The following TTN variants were observed in gnomAD, a reference collection of about 807,000 sequenced individuals.
The protein encoded by TTN is titin.
Under a neutral mutation model 3,223.0 loss-of-function variants are expected in TTN, and 1,525 were observed. The ratio of observed to expected loss-of-function variants is 0.47; its 90% CI spans 0.45 to 0.49. The LOEUF is 0.49. Ranked by LOEUF, TTN falls within the 20% of genes least tolerant of loss-of-function variation. The probability of loss-of-function intolerance (pLI) is 0.00; values close to 1 mark genes in which losing one functional copy is unlikely to be tolerated. For missense variants in TTN, 40,786 were observed against 43,424.0 expected (o/e 0.94, Z 5.40); for synonymous variants, 14,094 against 15,161.0 (o/e 0.93, Z 5.17).
intron 240 of TTN, among the ~76,000 whole-genome samples, chr2:178,626,725 TG>T (rs1443529366): frequency 6.6e-6 from 1 of 151,888 alleles, no homozygotes; most frequent in Non-Finnish European, 1.5e-5. Flanking sequence ...TCCGAGGGCA[TG>T]GTGCTGAAAT....
intron 288 of TTN, chr2:178,600,621 G>A (rs999209515): frequency 7.4e-6 from 4 of 537,242 alleles, no homozygotes; most frequent in Admixed American, 3.1e-5. Flanking sequence ...AAATTACAGC[G>A]AGGAAATTAC....
chr2:178,612,434 G>A lies in TTN; in HGVS notation c.50091C>T (p.Gly16697=). The change falls in exon 266 of 363, where the codon GGC becomes GGT. Residue 16697 remains glycine, a synonymous_variant. Coordinates refer to ENST00000589042, the MANE Select transcript of TTN (RefSeq NM_001267550.2). ...IVEKRDVRRK[G]WQTVDTTVKD... is the part of the protein sequence containing the mutation. ...TGACAGTGGTATCCACTGTTTGCCA[G>A]CCTTTTCGCCTGACGTCTCTCTTTT... 1 of 1,612,528 alleles carries A rather than the reference G, an allele frequency of 6.2e-7. No homozygotes were observed. The highest frequency in any genetic ancestry group is 8.5e-7 in the Non-Finnish European group (1 of 1,179,212).
intron 122 of TTN, 90 bp downstream of exon 122, chr2:178,689,723 A>T (rs945370756): frequency 8.3e-6 from 12 of 1,448,850 alleles, no homozygotes; most frequent in Non-Finnish European, 1.1e-5. Flanking sequence ...ATTCATTTAG[A>T]ATTAAACTAA....
At position 178,773,100 on chromosome 2, in the gene TTN, T is replaced by C; in HGVS notation, c.7855+9A>G. 1.2e-6 allele frequency: 2 copies of C among 1,613,870 alleles called. No individual in the cohort carries two copies. On this transcript the variant is annotated intron_variant, in intron 33 of 362. Transcript: ENST00000589042. The stretch of plus-strand genomic sequence containing the variant: ...CCTCGTAAGAATTTAGGTTAATAAA[T>C]ATACCAACCTGCCACAGTAAGTTTT...
At position 178,563,843 on chromosome 2, in the gene TTN, T is replaced by C; in HGVS notation, c.82289A>G (p.Lys27430Arg). The change falls in exon 326 of 363, where the codon AAA becomes AGA. Residue 27430 changes from lysine to arginine, a missense_variant. By Grantham distance (26) the Lys-to-Arg change is conservative. Coordinates refer to ENST00000589042, the MANE Select transcript of TTN (RefSeq NM_001267550.2). The surrounding 1 kb of genome is among the most constrained non-coding windows in gnomAD (Gnocchi z 4.5). ...ATTACCAGGAAGAAGTTTAGTAACTTTGTAGTTAAGGGCCTGTACCTCAGT... is the reference window on the plus strand; with the variant it reads ...ATTACCAGGAAGAAGTTTAGTAACTCTGTAGTTAAGGGCCTGTACCTCAGT... The part of the protein sequence containing the change: ...VSTEVQALNY[K>R]VTKLLPGNEY... 6.2e-7 allele frequency: 1 copy of C among 1,613,698 alleles called. No homozygotes were observed. Among genetic ancestry groups the C allele is most frequent in the Non-Finnish European group, 8.5e-7 (1 of 1,179,744 alleles).
rs1262339735 is a variant in TTN at position 178,640,030 on chromosome 2, G to A, written c.40786+18C>T. The A allele has an allele frequency of 1.2e-6, 2 of 1,611,408 alleles. No homozygotes were observed. The highest frequency in any genetic ancestry group is 1.7e-4 in the Middle Eastern group (1 of 6,048). On this transcript the variant is annotated intron_variant, in intron 222 of 362. Coordinates refer to ENST00000589042, the MANE Select transcript of TTN (RefSeq NM_001267550.2). ...ACAGAAAGAATATGCTGTTGACATT[G>A]AGGATAAGCTTGCTCACCTGCTTCG...
At chr2:178,800,771 C>G (rs918431423) in intron 3 of TTN, 89 bp from the exon 4 acceptor site, 2 of 1,432,030 alleles carry the variant, frequency 1.4e-6, no homozygotes, top group Admixed American at 2.3e-5. Context: ...AATTCCAAAA[C>G]CAGGTGATGA....
Position 178,570,560 on chromosome 2 carries a change from C to A in TTN, c.75572G>T (p.Gly25191Val), listed in dbSNP as rs767718233. Residue 25191 changes from glycine (G) to valine (V), a missense_variant, in exon 326 of 363, where the codon GGA (glycine) becomes GTA (valine). Transcript: ENST00000589042. ...GACATTCACAGTAACTGATCTTTCT[C>A]CTGCAACATTTTTGGCCTTCAGTAT... ...NYILKAKNVA[G>V]ERSVTVNVKV... 3.7e-6 allele frequency: 6 copies of A among 1,613,350 alleles called. No homozygotes were observed. Among genetic ancestry groups the A allele is most frequent in the East Asian group, 2.2e-5 (1 of 44,724 alleles).
At chr2:178,618,968 A>G in intron 250 of TTN, 115 bp from the exon 251 acceptor site, 2 of 1,398,430 alleles carry the variant, frequency 1.4e-6, no homozygotes, top group Non-Finnish European at 9.5e-7. Context: ...AGTAAGCTAC[A>G]GTAACTTTAT....
Position 178,593,239 on chromosome 2 carries a change from C to T in TTN, c.58969G>A (p.Glu19657Lys). ...GGATCTCCAATACCAATTTCATTTT[C>T]TGCAGAAACCCGGAATTCATACTGA... ...GCQYEFRVSA[E>K]NEIGIGDPSP... The change falls in exon 299 of 363, where the codon GAA (glutamate) becomes AAA (lysine). Residue 19657 changes from glutamate to lysine, a missense_variant. Transcript: ENST00000589042. 1 of 1,613,456 alleles carries T rather than the reference C, an allele frequency of 6.2e-7. No homozygotes were observed. The highest frequency in any genetic ancestry group is 8.5e-7 in the Non-Finnish European group (1 of 1,179,604).
chr2:178,799,969 A>C, intron 4 of TTN, 59 bp from the exon 5 acceptor site: 9 of 1,537,702 alleles, frequency 5.9e-6, no homozygotes, highest in Non-Finnish European at 8.1e-6. Flanking sequence ...TTTAAAAGAG[A>C]TTCTGTTAAT....
rs1485065836 is a variant in TTN, at chr2:178,633,847, G to A, written c.42652C>T (p.Leu14218=). 1 of 1,613,220 alleles carries A rather than the reference G, an allele frequency of 6.2e-7. No individual in the cohort carries two copies. Among genetic ancestry groups the A allele is most frequent in the East Asian group, 2.2e-5 (1 of 44,830 alleles). Residue 14218 remains leucine, a synonymous_variant, in exon 231 of 363, where the codon CTG becomes TTG. Transcript: ENST00000589042. The part of the protein sequence containing the change: ...ISQIKAQVKE[L]SSTAQLKVLE... ...ACCTTCAGCTGTGCTGTGGAGCTCA[G>A]CTCCTTGACTTGAGCTTTTATCTGA...
chr2:178,529,828 T>C (rs189217082), intron 359 of TTN, 132 bp downstream of exon 359: 2 of 1,014,568 alleles, frequency 2.0e-6, no homozygotes, highest in Non-Finnish European at 1.4e-6. Context: ...GGTGTACAAA[T>C]TGTATTCTGG....
At chr2:178,751,415 A>T (rs763677760) in intron 47 of TTN, 1 of 1,609,714 alleles carries the variant, frequency 6.2e-7, no homozygotes, top group South Asian at 1.1e-5. Flanking sequence ...GGCAGAACTC[A>T]TTGTCTTAAA....
In TTN at chr2:178,674,305, C is replaced by T. The variant is rs397517551; in HGVS notation, c.34708+9G>A. The T allele has an allele frequency of 3.3e-6, 5 of 1,525,968 alleles. No homozygotes were observed. The highest frequency in any genetic ancestry group is 2.7e-5 in the African/African-American group (2 of 72,918). 94.5% of individuals were successfully genotyped at this position (1,525,968 alleles called of 1,614,324 possible). ...ATTTTAAATGTTCAATCCTTAAAAG[C>T]GGTTATACCTCTAGGTGGTGCCACC... On this transcript the variant is annotated intron_variant, in intron 151 of 362. Coordinates refer to ENST00000589042, the MANE Select transcript of TTN (RefSeq NM_001267550.2).
rs1396100350 is a variant in TTN, at chr2:178,570,632, G to A, written c.75500C>T (p.Thr25167Ile). 3 of 1,613,468 alleles carry A rather than the reference G, an allele frequency of 1.9e-6. No homozygotes were observed. The highest frequency in any genetic ancestry group is 2.2e-5 in the South Asian group (2 of 91,076). ...TACTGCATCTTTTACACTGAGACTG[G>A]TGGCAAAGTCGGTGCTCTTTATTTC... The part of the protein sequence containing the change: ...RLEIKSTDFA[T>I]SLSVKDAVRV... The change falls in exon 326 of 363, where the codon ACC becomes ATC. Residue 25167 changes from threonine to isoleucine, a missense_variant. Thr to Ile is a moderately conservative substitution (Grantham distance 89). Transcript: ENST00000589042.
In TTN at chr2:178,571,037, T is replaced by C; in HGVS notation, c.75095A>G (p.Tyr25032Cys). The C allele has an allele frequency of 2.5e-6, 4 of 1,612,556 alleles. No individual in the cohort carries two copies. The highest frequency in any genetic ancestry group is 2.5e-6 in the Non-Finnish European group (3 of 1,178,808). The stretch of plus-strand genomic sequence containing the variant: ...ACCAGTGATCTTGCTTCCACCGTCA[T>C]AGGTGGGTTTCTTCCACTGAAGAGT... The part of the protein sequence containing the change: ...SVTLQWKKPT[Y>C]DGGSKITGYI... The change falls in exon 326 of 363, where the codon TAT becomes TGT. Residue 25032 changes from tyrosine to cysteine, a missense_variant. By Grantham distance (194) the Tyr-to-Cys change is radical. Transcript: ENST00000589042.
chr2:178,742,038 AG>A, intron 47 of TTN, 117 bp from the exon 48 acceptor site: 4 of 794,848 alleles, frequency 5.0e-6, no homozygotes, highest in Non-Finnish European at 6.8e-6. Flanking sequence ...TGGAATGATT[AG>A]ATTATTCCAA....
At chr2:178,538,046 T>C in intron 354 of TTN, 129 bp from the exon 355 acceptor site, 2 of 893,916 alleles carry the variant, frequency 2.2e-6, no homozygotes, top group Non-Finnish European at 3.3e-6. Flanking sequence ...AGCCTAATTC[T>C]TAAAAACTCT....
Sources: gnomAD v4.1 joint callset for allele counts (sites outside exome capture counted in the v4.1 genomes callset) on GRCh38, gnomAD v4.1.1 for gene constraint, Gnocchi (gnomAD v3.1) non-coding constraint, MANE v1.5 for transcripts, NCBI Gene and HGNC (gene_info 2026-07-23, HGNC 2026-07-21) for gene names.